PCOLCE2: variants seen among roughly 807,000 people sequenced by gnomAD.
PCOLCE2 encodes the protein procollagen C-endopeptidase enhancer 2.
In PCOLCE2, 42 loss-of-function variants were observed where a neutral mutation model predicts 47.0. The observed-to-expected ratio is 0.89, with a 90% CI of 0.70 to 1.16. The LOEUF is 1.16. Ranked by LOEUF, PCOLCE2 falls within the 50% of genes most tolerant of loss-of-function variation. The pLI is 0.00. For missense variants in PCOLCE2, 500 were observed against 526.1 expected, an observed-to-expected ratio of 0.95 and a Z score of 0.49; for synonymous variants, 169 against 191.7, an observed-to-expected ratio of 0.88 and a Z score of 0.98.
Position 142,818,258 on chromosome 3 carries a change from A to G in PCOLCE2, c.*77T>C. 7.8e-7 allele frequency: 1 copy of G among 1,279,524 alleles called. No individual in the cohort carries two copies. Among genetic ancestry groups the G allele is most frequent in the Non-Finnish European group, 1.1e-6 (1 of 902,912 alleles). 79.3% of individuals were successfully genotyped at this position (1,279,524 alleles called of 1,614,324 possible). A position where few individuals can be genotyped will look rare whatever the true frequency, so the allele number is the denominator to read the frequency against. ...TTTCAGAATATGTAATTTTATAAGTATTTTTTTTTCTACTGAGAGAACATA... is the reference window on the plus strand; with the variant it reads ...TTTCAGAATATGTAATTTTATAAGTGTTTTTTTTTCTACTGAGAGAACATA... On this transcript the variant is annotated 3_prime_UTR_variant, in exon 9 of 9. Coordinates refer to ENST00000295992, the MANE Select transcript of PCOLCE2 (RefSeq NM_013363.4).
chr3:142,818,318 A>G lies in PCOLCE2; in HGVS notation c.*17T>C. 1.2e-6 allele frequency: 2 copies of G among 1,611,536 alleles called. No homozygotes were observed. The highest frequency in any genetic ancestry group is 1.7e-6 in the Non-Finnish European group (2 of 1,177,840). The stretch of plus-strand genomic sequence containing the variant: ...AAGGCAATGGCAGAATACAGCTTAA[A>G]TGGACACAGTTCACTGTTAACATTG... On this transcript the variant is annotated 3_prime_UTR_variant, in exon 9 of 9. Coordinates refer to ENST00000295992, the MANE Select transcript of PCOLCE2 (RefSeq NM_013363.4).
chr3:142,860,478 G>C (rs776820882), intron 2 of PCOLCE2, among the ~76,000 whole-genome samples: 16 of 151,666 alleles, frequency 1.1e-4, no homozygotes, highest in Middle Eastern at 3.4e-3. Flanking sequence ...TCGCGATCTC[G>C]GCTCACTGCA....
At chr3:142,878,061 T>G (rs961119131) in intron 2 of PCOLCE2, among the ~76,000 whole-genome samples, 1 of 152,210 alleles carries the variant, frequency 6.6e-6, no homozygotes, top group Admixed American at 6.5e-5. Context: ...GCCCCTGGGT[T>G]CCCTGTGCTT....
intron 3 of PCOLCE2, among the ~76,000 whole-genome samples, chr3:142,847,282 T>C (rs867422399): frequency 5.3e-5 from 8 of 152,206 alleles, no homozygotes; most frequent in Admixed American, 1.3e-4. Context: ...TATACGAATA[T>C]TTTGTGCCTC....
chr3:142,831,120 C>A (rs1481192016), intron 5 of PCOLCE2, among the ~76,000 whole-genome samples: 8 of 152,240 alleles, frequency 5.3e-5, no homozygotes, highest in Non-Finnish European at 1.0e-4. Flanking sequence ...ATATTTATCC[C>A]CTCCAAAACT....
intron 2 of PCOLCE2, among the ~76,000 whole-genome samples, chr3:142,857,848 C>T (rs1425148879): frequency 1.3e-5 from 2 of 152,216 alleles, no homozygotes; most frequent in Non-Finnish European, 2.9e-5. Flanking sequence ...GTCCAAACTC[C>T]TCAGAATCAT....
At chr3:142,863,201 T>C (rs1419507633) in intron 2 of PCOLCE2, among the ~76,000 whole-genome samples, 2 of 151,668 alleles carry the variant, frequency 1.3e-5, no homozygotes. Context: ...GCCAGATGTC[T>C]GACAGCAGGT....
chr3:142,833,131 G>A (rs939713135), intron 5 of PCOLCE2, among the ~76,000 whole-genome samples: 7 of 152,104 alleles, frequency 4.6e-5, no homozygotes, highest in African/African-American at 1.7e-4. Flanking sequence ...ATATTGTGTA[G>A]GTCTACATGT....
intron 6 of PCOLCE2, chr3:142,827,671 CG>C: frequency 7.2e-7 from 1 of 1,380,070 alleles, no homozygotes; most frequent in Non-Finnish European, 1.0e-6. Context: ...TAAACCAGTA[CG>C]GGTCGCGGAA....
In PCOLCE2 at chr3:142,820,824, T is replaced by C. The variant is rs546287727; in HGVS notation, c.1117+54A>G. The C allele has an allele frequency of 5.4e-6, 8 of 1,489,460 alleles. No homozygotes were observed. In the Admixed American group the frequency reaches 8.5e-5, roughly 16 times the overall value. 92.3% of individuals were successfully genotyped at this position (1,489,460 alleles called of 1,614,324 possible). A position where few individuals can be genotyped will look rare whatever the true frequency, so the allele number is the denominator to read the frequency against. Reference sequence around the variant, plus strand: ...TGATTTTACTTCCCTAGACCAACCATGGCATGGAAAATCCATGGCTTGCTC... The same window carrying C: ...TGATTTTACTTCCCTAGACCAACCACGGCATGGAAAATCCATGGCTTGCTC... On this transcript the variant is annotated intron_variant, in intron 8 of 8. Coordinates refer to ENST00000295992, the MANE Select transcript of PCOLCE2 (RefSeq NM_013363.4).
chr3:142,845,130 T>C (rs1393548207), intron 3 of PCOLCE2, among the ~76,000 whole-genome samples: 2 of 152,238 alleles, frequency 1.3e-5, no homozygotes, highest in East Asian at 1.9e-4. Context: ...CTGTTTTTCC[T>C]TATAGCCTTC....
intron 3 of PCOLCE2, among the ~76,000 whole-genome samples, chr3:142,844,524 G>C (rs1309891157): frequency 6.6e-6 from 1 of 152,144 alleles, no homozygotes; most frequent in East Asian, 1.9e-4. Flanking sequence ...TCTCGAGTAT[G>C]AACACTTCGG....
intron 2 of PCOLCE2, among the ~76,000 whole-genome samples, chr3:142,855,438 C>T (rs1014493975): frequency 2.0e-5 from 3 of 152,188 alleles, no homozygotes; most frequent in South Asian, 2.1e-4. Flanking sequence ...AAGATCCTTA[C>T]GGGGAGGAAG....
chr3:142,819,316 C>T (rs1329014464), intron 8 of PCOLCE2, among the ~76,000 whole-genome samples: 2 of 152,080 alleles, frequency 1.3e-5, no homozygotes, highest in Non-Finnish European at 2.9e-5. Context: ...TGGGTTAATT[C>T]CTCCTTTAGT....
At chr3:142,851,350 G>A (rs145371255) in intron 2 of PCOLCE2, among the ~76,000 whole-genome samples, 78 of 152,288 alleles carry the variant, frequency 5.1e-4, no homozygotes, top group African/African-American at 1.8e-3. Flanking sequence ...ATTCAGCTCC[G>A]TGGGCAAAGG....
chr3:142,859,802 C>A (rs755391750), intron 2 of PCOLCE2, among the ~76,000 whole-genome samples: 33 of 152,184 alleles, frequency 2.2e-4, no homozygotes, highest in Non-Finnish European at 3.7e-4. Context: ...CCTGTCTTGG[C>A]CTCCCAAAGT....
At chr3:142,873,974 T>A (rs1933446985) in intron 2 of PCOLCE2, among the ~76,000 whole-genome samples, 1 of 152,210 alleles carries the variant, frequency 6.6e-6, no homozygotes, top group Non-Finnish European at 1.5e-5. Flanking sequence ...AATCCTTACA[T>A]GTTGCAGGAG....
intron 2 of PCOLCE2, among the ~76,000 whole-genome samples, chr3:142,866,774 T>C (rs142150651): frequency 3.8e-4 from 58 of 152,364 alleles, no homozygotes; most frequent in African/African-American, 1.3e-3. Flanking sequence ...TAAGGCTTTT[T>C]CTTTTAATAA....
intron 4 of PCOLCE2, among the ~76,000 whole-genome samples, chr3:142,840,994 G>A (rs1300653036): frequency 6.7e-6 from 1 of 149,968 alleles, no homozygotes; most frequent in Non-Finnish European, 1.5e-5. Context: ...AGAATGGACC[G>A]AACCCGGGAG....
Sources: gnomAD v4.1 joint callset for allele counts (sites outside exome capture counted in the v4.1 genomes callset) on GRCh38, gnomAD v4.1.1 for gene constraint, MANE v1.5 for transcripts, NCBI Gene and HGNC (gene_info 2026-07-23, HGNC 2026-07-21) for gene names.